Variants in ANTXR1 observed in about 807,000 individuals in gnomAD.
ANTXR1 encodes the protein anthrax toxin receptor 1.
In ANTXR1, 19 loss-of-function variants were observed where a neutral mutation model predicts 78.1. That is an observed-to-expected ratio of 0.24 (90% CI 0.17 to 0.36). ANTXR1 has a LOEUF of 0.36. Ranked by LOEUF, ANTXR1 falls within the 10% of genes least tolerant of loss-of-function variation. The pLI is 1.00. For synonymous variants in ANTXR1, 273 were observed against 260.5 expected, an observed-to-expected ratio of 1.05 and a Z score of -0.46; for missense variants, 518 against 718.6, an observed-to-expected ratio of 0.72 and a Z score of 3.19.
At chr2:69,076,938 C>T (rs1193351139) in intron 7 of ANTXR1, among the ~76,000 whole-genome samples, 1 of 152,202 alleles carries the variant, frequency 6.6e-6, no homozygotes. Context: ...GGGCCCTTTC[C>T]TTAATGGGCA....
At chr2:69,242,190 C>T (rs1426338036) in intron 17 of ANTXR1, among the ~76,000 whole-genome samples, 1 of 152,118 alleles carries the variant, frequency 6.6e-6, no homozygotes, top group African/African-American at 2.4e-5. Context: ...TTTACCCCAC[C>T]CCATCTCCAT....
At chr2:69,226,847 T>C (rs1165538663) in intron 17 of ANTXR1, among the ~76,000 whole-genome samples, 2 of 152,180 alleles carry the variant, frequency 1.3e-5, no homozygotes, top group Non-Finnish European at 2.9e-5. Context: ...TATATATTTT[T>C]TTTCCTCTTA....
rs78269213 is a variant in ANTXR1 at position 69,022,155 on chromosome 2, A to G, written c.152+8504A>G. Among the ~76,000 whole-genome samples, 1,013 of 152,336 alleles carry G rather than the reference A, an allele frequency of 6.6e-3. 16 individuals carry two copies. Among genetic ancestry groups the G allele is most frequent in the African/African-American group, 0.024 (986 of 41,566 alleles). On this transcript the variant is annotated intron_variant, in intron 1 of 17. Transcript: ENST00000303714. ...AAAGGCTGGGGAAAGACAGCAGCCC[A>G]TGGAACACAGACCACTGCAGCAGCA...
chr2:69,200,886 G>A (rs1421314434), intron 17 of ANTXR1, among the ~76,000 whole-genome samples: 1 of 152,148 alleles, frequency 6.6e-6, no homozygotes, highest in Admixed American at 6.5e-5. Flanking sequence ...AACAGAAATT[G>A]AGGCTCAGGG....
intron 8 of ANTXR1, among the ~76,000 whole-genome samples, chr2:69,083,590 T>C (rs72897349): frequency 0.028 from 4,248 of 152,282 alleles, 180 homozygotes; most frequent in African/African-American, 0.095. Context: ...TCCCAAAGAC[T>C]GCCCTATGTG....
intron 3 of ANTXR1, among the ~76,000 whole-genome samples, chr2:69,062,199 G>T (rs1330528800): frequency 6.6e-6 from 1 of 152,124 alleles, no homozygotes; most frequent in African/African-American, 2.4e-5. Flanking sequence ...GCCAGAAGGA[G>T]GCTTTAGAAT....
chr2:69,210,091 G>A (rs564889815), intron 17 of ANTXR1, among the ~76,000 whole-genome samples: 2 of 152,296 alleles, frequency 1.3e-5, no homozygotes, highest in South Asian at 2.1e-4. Context: ...AGAAGTGGAT[G>A]GAGTCTGAAG....
At chr2:69,188,644 G>A (rs1360956863) in intron 16 of ANTXR1, among the ~76,000 whole-genome samples, 2 of 152,256 alleles carry the variant, frequency 1.3e-5, no homozygotes, top group Non-Finnish European at 2.9e-5. Flanking sequence ...CAATCTGCCA[G>A]AGGGCTTGAG....
intron 10 of ANTXR1, among the ~76,000 whole-genome samples, chr2:69,112,467 GC>G (rs1345519937): frequency 6.6e-6 from 1 of 152,172 alleles, no homozygotes; most frequent in Non-Finnish European, 1.5e-5. Context: ...ACAGATGTGT[GC>G]CTGATTCAGA....
At chr2:69,172,381 A>C in intron 14 of ANTXR1, 1 of 1,612,654 alleles carries the variant, frequency 6.2e-7, no homozygotes, top group Middle Eastern at 1.7e-4. Flanking sequence ...ATAAAATAAA[A>C]TAACAAGAAG....
chr2:69,077,491 A>G lies in ANTXR1; in HGVS notation c.642+3A>G, dbSNP rs995777306. Reference sequence around the variant, plus strand: ...CTCTGCAAGGCATCATCCACTCAGTAAGTAGAGCTCTTCCTCTGAGACTAG... The same window carrying G: ...CTCTGCAAGGCATCATCCACTCAGTGAGTAGAGCTCTTCCTCTGAGACTAG... On this transcript the variant is annotated splice_donor_region_variant and intron_variant, in intron 8 of 17. Coordinates refer to ENST00000303714, the MANE Select transcript of ANTXR1 (RefSeq NM_032208.3). 1 of 1,613,948 alleles carries G rather than the reference A, an allele frequency of 6.2e-7. No homozygotes were observed. The highest frequency in any genetic ancestry group is 1.7e-5 in the Admixed American group (1 of 59,994).
intron 1 of ANTXR1, among the ~76,000 whole-genome samples, chr2:69,033,724 A>G (rs1353537967): frequency 6.6e-6 from 1 of 152,226 alleles, no homozygotes; most frequent in Non-Finnish European, 1.5e-5. Flanking sequence ...TATAATTTCC[A>G]TCCTTAGAGC....
chr2:69,139,260 C>T (rs758516296), intron 12 of ANTXR1, among the ~76,000 whole-genome samples: 11 of 152,200 alleles, frequency 7.2e-5, no homozygotes, highest in Admixed American at 1.3e-4. Context: ...CTTTCTGGAC[C>T]TGCCCCAGGA....
At chr2:69,171,687 T>A (rs931344021) in intron 14 of ANTXR1, among the ~76,000 whole-genome samples, 3 of 152,328 alleles carry the variant, frequency 2.0e-5, no homozygotes, top group African/African-American at 7.2e-5. Context: ...AGGTTAAGAC[T>A]GGGCTCTGAC....
At chr2:69,124,782 AC>A (rs1187136307) in intron 12 of ANTXR1, 139 bp downstream of exon 12, 21 of 849,030 alleles carry the variant, frequency 2.5e-5, no homozygotes, top group Non-Finnish European at 3.3e-5. Context: ...TGATCCCAGC[AC>A]TGCTCCACCA....
intron 17 of ANTXR1, among the ~76,000 whole-genome samples, chr2:69,242,508 A>T (rs1675919316): frequency 6.6e-6 from 1 of 152,240 alleles, no homozygotes; most frequent in African/African-American, 2.4e-5. Context: ...GAGAATAAGT[A>T]CATGAGCTTC....
At chr2:69,192,750 C>T (rs900576878) in intron 16 of ANTXR1, among the ~76,000 whole-genome samples, 10 of 152,268 alleles carry the variant, frequency 6.6e-5, no homozygotes, top group African/African-American at 2.4e-4. Context: ...TACATACAAC[C>T]TCAAAGGGGT....
intron 10 of ANTXR1, among the ~76,000 whole-genome samples, chr2:69,115,752 C>G (rs946007734): frequency 1.3e-5 from 2 of 152,218 alleles, no homozygotes; most frequent in African/African-American, 2.4e-5. Flanking sequence ...CCAAGCCCAT[C>G]CCCTGATCTC....
At position 69,013,470 on chromosome 2, in the gene ANTXR1, G is replaced by T. The variant is rs768775361; in HGVS notation, c.-30G>T. The T allele has an allele frequency of 6.3e-7, 1 of 1,583,008 alleles. No homozygotes were observed. The highest frequency in any genetic ancestry group is 8.6e-7 in the Non-Finnish European group (1 of 1,167,012). On this transcript the variant is annotated 5_prime_UTR_variant, in exon 1 of 18. Transcript: ENST00000303714. This position sits in a 1 kb window ranked among gnomAD's most constrained non-coding sequence, Gnocchi z 5.0. Reference sequence around the variant, plus strand: ...GCGAGTTCGCGGAGCGTGGGAAGGAGCGGACCCTGCTCTCCCCGGGCTGCG... The same window carrying T: ...GCGAGTTCGCGGAGCGTGGGAAGGATCGGACCCTGCTCTCCCCGGGCTGCG...
Sources: gnomAD v4.1 joint callset for allele counts (sites outside exome capture counted in the v4.1 genomes callset) on GRCh38, gnomAD v4.1.1 for gene constraint, Gnocchi (gnomAD v3.1) non-coding constraint, MANE v1.5 for transcripts, NCBI Gene and HGNC (gene_info 2026-07-23, HGNC 2026-07-21) for gene names.